TANK: variants seen among roughly 807,000 people sequenced by gnomAD.
TANK encodes TRAF family member-associated NF-kappa-B activator.
In TANK, 15 loss-of-function variants were observed where a neutral mutation model predicts 43.6. The observed-to-expected ratio is 0.34, with a 90% CI of 0.23 to 0.53. The LOEUF (loss-of-function observed/expected upper bound fraction) is 0.53, where lower values mean the gene tolerates loss of function less well. TANK is among the 20% of genes least tolerant of loss of function. TANK has a pLI of 0.94. For missense variants in TANK, 417 were observed against 498.6 expected, an observed-to-expected ratio of 0.84 and a Z score of 1.56; for synonymous variants, 162 against 178.2, an observed-to-expected ratio of 0.91 and a Z score of 0.73.
chr2:161,139,133 C>A (rs1204420872), intron 1 of TANK, among the ~76,000 whole-genome samples: 1 of 152,098 alleles, frequency 6.6e-6, no homozygotes, highest in Admixed American at 6.6e-5. Flanking sequence ...CATGTGATGC[C>A]TAGACAGAAA....
At chr2:161,193,595 G>A (rs999365715) in intron 2 of TANK, among the ~76,000 whole-genome samples, 2 of 152,158 alleles carry the variant, frequency 1.3e-5, no homozygotes, top group Non-Finnish European at 2.9e-5. Flanking sequence ...TCTCTCTTTT[G>A]TAGCAGTCCA....
intron 2 of TANK, chr2:161,180,156 T>C (rs931662983): frequency 2.3e-6 from 2 of 864,822 alleles, no homozygotes; most frequent in African/African-American, 3.7e-5. Context: ...AGGAAAACTT[T>C]TCAAATCTTA....
At chr2:161,235,149 A>G (rs952946557) in intron 7 of TANK, among the ~76,000 whole-genome samples, 193 bp from the exon 8 acceptor site, 1 of 152,208 alleles carries the variant, frequency 6.6e-6, no homozygotes, top group African/African-American at 2.4e-5. Context: ...CTTTTAATCA[A>G]AGTTTAGTTG....
At chr2:161,152,780 C>T (rs1268308969) in intron 1 of TANK, among the ~76,000 whole-genome samples, 1 of 152,106 alleles carries the variant, frequency 6.6e-6, no homozygotes, top group African/African-American at 2.4e-5. Flanking sequence ...AAAATTCACA[C>T]TGAGAAGGTC....
intron 4 of TANK, chr2:161,223,569 C>G (rs533015383): frequency 6.2e-6 from 1 of 161,908 alleles, no homozygotes; most frequent in Non-Finnish European, 1.3e-5. Context: ...GATTTTTTTC[C>G]CCCTAAGTTT....
intron 7 of TANK, among the ~76,000 whole-genome samples, chr2:161,234,492 A>T (rs1274475356): frequency 6.6e-6 from 1 of 152,232 alleles, no homozygotes; most frequent in Non-Finnish European, 1.5e-5. Flanking sequence ...AGCTATTATT[A>T]AGCTAAATGC....
At chr2:161,167,934 T>A (rs1353876937) in intron 1 of TANK, among the ~76,000 whole-genome samples, 1 of 152,080 alleles carries the variant, frequency 6.6e-6, no homozygotes, top group Non-Finnish European at 1.5e-5. Flanking sequence ...GCAACCAGGT[T>A]TTTAAAGGCA....
intron 1 of TANK, among the ~76,000 whole-genome samples, chr2:161,144,080 T>C (rs906057064): frequency 2.0e-5 from 3 of 152,210 alleles, no homozygotes; most frequent in Non-Finnish European, 4.4e-5. Flanking sequence ...TTCTTCTAGA[T>C]TTTCTAGCTT....
upstream of TANK, chr2:161,160,329 A>T (rs1684351313): frequency 1.2e-6 from 1 of 856,446 alleles, no homozygotes; most frequent in Non-Finnish European, 1.5e-6. Context: ...GGCAGGGCGG[A>T]AGGGCCCTGG....
chr2:161,214,050 ACAT>A (rs1345626087), intron 4 of TANK, among the ~76,000 whole-genome samples: 4 of 152,198 alleles, frequency 2.6e-5, no homozygotes, highest in African/African-American at 9.7e-5. Context: ...ATCACATTTA[ACAT>A]CATCACTGAT....
intron 1 of TANK, among the ~76,000 whole-genome samples, chr2:161,167,825 C>T (rs1573972044): frequency 6.6e-6 from 1 of 151,952 alleles, no homozygotes; most frequent in Admixed American, 6.6e-5. Flanking sequence ...AGGGTTTCAC[C>T]GTGTTAGCCA....
In TANK at chr2:161,215,508, A is replaced by G. The variant is rs141724425; in HGVS notation, c.328-8407A>G. On this transcript the variant is annotated intron_variant, in intron 4 of 7. Transcript: ENST00000392749. ...GTTAAAAGATAGTTTGATAGTAGAT[A>G]CCTGCATTTTCTAGTATGTTCCATA... Among the ~76,000 whole-genome samples, 39 of 152,330 alleles carry G rather than the reference A, an allele frequency of 2.6e-4. 1 individual carries two copies. The highest frequency in any genetic ancestry group is 2.6e-4 in the Admixed American group (4 of 15,286).
rs762974211 is a variant in TANK, at chr2:161,231,025, C to T, written c.575C>T (p.Ala192Val). 2.5e-5 allele frequency: 40 copies of T among 1,613,918 alleles called. No individual in the cohort carries two copies. In the Middle Eastern group the frequency reaches 4.9e-4, roughly 20 times the overall value. The change falls in exon 7 of 8, where the codon GCG becomes GTG. Residue 192 changes from alanine (A) to valine (V), a missense_variant. By Grantham distance (64) the Ala-to-Val change is moderately conservative (BLOSUM62 0). Transcript: ENST00000392749. ...ACGGATAAAACAGATAAACAAGAAG[C>T]GCTGTTTAAGCCTCAGGCTAAAGAT... ...QCTDKTDKQE[A>V]LFKPQAKDDI...
chr2:161,217,488 A>G (rs1253409606), intron 4 of TANK, among the ~76,000 whole-genome samples: 1 of 151,994 alleles, frequency 6.6e-6, no homozygotes, highest in East Asian at 1.9e-4. Context: ...AACCATAGAA[A>G]ACTGGGAATG....
intron 2 of TANK, among the ~76,000 whole-genome samples, chr2:161,199,561 C>T (rs1425166684): frequency 6.6e-6 from 1 of 152,092 alleles, no homozygotes; most frequent in Admixed American, 6.6e-5. Context: ...AGGAAATATG[C>T]TGCCTTAGTT....
In TANK at chr2:161,147,427, G is replaced by A. The variant is rs1683947477; in HGVS notation, c.-50+10364G>A. On this transcript the variant is annotated intron_variant, in intron 1 of 7. Coordinates refer to the TANK transcript ENST00000259075. ...TGAGAATCAGTGCAACTCCGTGCTTGGGAGGCTAGGCCTGGTGGTGTGGGC... is the reference window on the plus strand; with the variant it reads ...TGAGAATCAGTGCAACTCCGTGCTTAGGAGGCTAGGCCTGGTGGTGTGGGC... 1.3e-3 allele frequency among the ~76,000 whole-genome samples: 4 copies of A among 2,978 alleles called. No individual in the cohort carries two copies. The South Asian group carries it at 0.056, about 41-fold the overall frequency. 2.0% of individuals were successfully genotyped at this position (2,978 alleles called of 152,430 possible). A position where few individuals can be genotyped will look rare whatever the true frequency, so the allele number is the denominator to read the frequency against.
intron 2 of TANK, among the ~76,000 whole-genome samples, chr2:161,200,079 T>A (rs2105337760): frequency 6.6e-6 from 1 of 152,282 alleles, no homozygotes; most frequent in Middle Eastern, 3.4e-3. Context: ...GTCATGCAGA[T>A]CTCCTAGTTG....
chr2:161,170,816 T>C (rs551701993), intron 1 of TANK, among the ~76,000 whole-genome samples: 7 of 152,308 alleles, frequency 4.6e-5, no homozygotes, highest in African/African-American at 1.7e-4. Context: ...CTCTCACCCA[T>C]CACCAAGCCT....
chr2:161,156,067 G>A (rs976531420), upstream of TANK: 1 of 982,870 alleles, frequency 1.0e-6, no homozygotes, highest in South Asian at 4.7e-5. Flanking sequence ...GTATTGTATT[G>A]GTTCAAAGTA....
Sources: allele counts gnomAD v4.1 joint callset (sites outside exome capture counted in the v4.1 genomes callset), GRCh38; gene constraint gnomAD v4.1.1; transcripts MANE v1.5; gene names NCBI Gene and HGNC (gene_info 2026-07-23, HGNC 2026-07-21).